The following PLA2G3 variants were observed in gnomAD, a reference collection of about 807,000 sequenced individuals.
The protein encoded by PLA2G3 is group 3 secretory phospholipase A2.
In PLA2G3, 39 loss-of-function variants were observed where a neutral mutation model predicts 51.3. That is an observed-to-expected ratio of 0.76 (90% CI 0.59 to 0.99). PLA2G3 has a LOEUF of 0.99. PLA2G3 is among the 50% of genes least tolerant of loss of function. The pLI is 0.00. For missense variants in PLA2G3, 677 were observed against 662.1 expected, an observed-to-expected ratio of 1.02 and a Z score of -0.25; for synonymous variants, 293 against 263.1, an observed-to-expected ratio of 1.11 and a Z score of -1.10.
rs112835111 is a variant in PLA2G3 at position 31,139,822 on chromosome 22, C to T, written c.514+19G>A. On this transcript the variant is annotated intron_variant, in intron 1 of 6. Coordinates refer to ENST00000215885, the MANE Select transcript of PLA2G3 (RefSeq NM_015715.5). ...TTCCCCGATCGGACCCCCCAGCCCACACACCCCTCATGGCTCACCCAGCTC... is the reference window on the plus strand; with the variant it reads ...TTCCCCGATCGGACCCCCCAGCCCATACACCCCTCATGGCTCACCCAGCTC... 3.4e-5 allele frequency: 54 copies of T among 1,589,756 alleles called. No individual in the cohort carries two copies. In the African/African-American group the frequency reaches 4.0e-4, roughly 12 times the overall value.
chr22:31,137,553 T>C (rs1055554709), intron 4 of PLA2G3, among the ~76,000 whole-genome samples, 157 bp downstream of exon 4: 1 of 152,194 alleles, frequency 6.6e-6, no homozygotes, highest in African/African-American at 2.4e-5. Flanking sequence ...ATTCGTGGAT[T>C]ATGAAAATCC....
At position 31,140,452 on chromosome 22, in the gene PLA2G3, C is replaced by A; in HGVS notation, c.-98G>T. 1 of 1,399,564 alleles carries A rather than the reference C, an allele frequency of 7.1e-7. No homozygotes were observed. Among genetic ancestry groups the A allele is most frequent in the Non-Finnish European group, 9.6e-7 (1 of 1,043,802 alleles). The allele number at this position is 1,399,564 out of a possible 1,614,324, so 86.7% of individuals were successfully genotyped here. ...TGAGCAGTGGAACGGAAGCGGAGCC[C>A]AGCAGGCCCGGTGCGGCGGGACCAA... On this transcript the variant is annotated 5_prime_UTR_variant, in exon 1 of 7. Transcript: ENST00000215885.
In PLA2G3 at chr22:31,139,806, C is replaced by T. The variant is rs767009461; in HGVS notation, c.514+35G>A. 1.0e-5 allele frequency: 15 copies of T among 1,500,810 alleles called. No individual in the cohort carries two copies. The East Asian group carries it at 1.6e-4, about 16-fold the overall frequency. 93.0% of individuals were successfully genotyped at this position (1,500,810 alleles called of 1,614,324 possible). On this transcript the variant is annotated intron_variant, in intron 1 of 6. Transcript: ENST00000215885. The stretch of plus-strand genomic sequence containing the variant: ...GCTGAAGAAACCTTGCTTCCCCGAT[C>T]GGACCCCCCAGCCCACACACCCCTC...
Position 31,137,040 on chromosome 22 carries a change from C to G in PLA2G3, c.1067G>C (p.Gly356Ala). ...GAAGCTGCGGCAGACCCAGCGGGCACCTGAGGGGTGGATGTGGTGTTGATG... is the reference window on the plus strand; with the variant it reads ...GAAGCTGCGGCAGACCCAGCGGGCAGCTGAGGGGTGGATGTGGTGTTGATG... ...QGPQGGLKPQ[G>A]ARWVCRSFRR... Residue 356 changes from glycine (G) to alanine (A), a missense_variant and splice_region_variant, in exon 5 of 7, where the codon GGT becomes GCT. Gly to Ala is a moderately conservative substitution (Grantham distance 60, BLOSUM62 0). Coordinates refer to ENST00000215885, the MANE Select transcript of PLA2G3 (RefSeq NM_015715.5). 6.5e-7 allele frequency: 1 copy of G among 1,531,080 alleles called. No individual in the cohort carries two copies. The allele number at this position is 1,531,080 out of a possible 1,614,324, so 94.8% of individuals were successfully genotyped here. A position where few individuals can be genotyped will look rare whatever the true frequency, so the allele number is the denominator to read the frequency against.
chr22:31,136,679 T>C lies in PLA2G3; in HGVS notation c.1316+4A>G, dbSNP rs754252577. ...CCATCCCTCCTGGCTCTGACATCAC[T>C]TACTTTTTGCCTTCCACACAGTCCA... On this transcript the variant is annotated splice_donor_region_variant and intron_variant, in intron 6 of 6. Transcript: ENST00000215885. The C allele has an allele frequency of 5.0e-6, 8 of 1,611,728 alleles. No homozygotes were observed.
rs1466086004 is a variant in PLA2G3 at position 31,137,737 on chromosome 22, C to G, written c.1039G>C (p.Gly347Arg). ...TGAGGTTTTAGGCCACCCTGTGGGC[C>G]CTGGAGGCCTGTGGGGGCCACATCA... ...RLDVAPTGLQ[G>R]PQGGLKPQGA... Residue 347 changes from glycine (G) to arginine (R), a missense_variant, in exon 4 of 7, where the codon GGC becomes CGC. Coordinates refer to ENST00000215885, the MANE Select transcript of PLA2G3 (RefSeq NM_015715.5). 1 of 1,611,144 alleles carries G rather than the reference C, an allele frequency of 6.2e-7. No homozygotes were observed. The highest frequency in any genetic ancestry group is 1.7e-5 in the Admixed American group (1 of 59,424).
rs762980855 is a variant in PLA2G3 at position 31,137,706 on chromosome 22, T to C, written c.1066+4A>G. On this transcript the variant is annotated splice_donor_region_variant and intron_variant, in intron 4 of 6. Transcript: ENST00000215885. ...GAACCCCCAAGGTTAGGTTCTGAGC[T>C]CACCCTGAGGTTTTAGGCCACCCTG... The C allele has an allele frequency of 1.3e-5, 21 of 1,595,750 alleles. No homozygotes were observed. Among genetic ancestry groups the C allele is most frequent in the Admixed American group, 1.8e-5 (1 of 56,178 alleles).
At position 31,140,277 on chromosome 22, in the gene PLA2G3, C is replaced by G. The variant is rs771503708; in HGVS notation, c.78G>C (p.Trp26Cys). The G allele has an allele frequency of 1.2e-6, 2 of 1,612,078 alleles. No homozygotes were observed. Among genetic ancestry groups the G allele is most frequent in the Non-Finnish European group, 8.5e-7 (1 of 1,179,900 alleles). The change falls in exon 1 of 7, where the codon TGG becomes TGC. Residue 26 changes from tryptophan (W) to cysteine (C), a missense_variant. Transcript: ENST00000215885. Reference protein sequence around the residue: ...VALGGSPALRWYRTSCHLTKA... With the variant: ...VALGGSPALRCYRTSCHLTKA... Reference sequence around the variant, plus strand: ...TGGTCAAGTGGCAGGAGGTCCTGTACCAGCGGAGGGCAGGGGAGCCCCCCA... The same window carrying G: ...TGGTCAAGTGGCAGGAGGTCCTGTAGCAGCGGAGGGCAGGGGAGCCCCCCA...
At chr22:31,139,456 C>A (rs1922767802) in intron 1 of PLA2G3, among the ~76,000 whole-genome samples, 4 of 152,174 alleles carry the variant, frequency 2.6e-5, no homozygotes, top group Admixed American at 2.6e-4. Context: ...ACTTGCTCAG[C>A]TTGTATGTGC....
intron 1 of PLA2G3, 95 bp downstream of exon 1, chr22:31,139,746 C>T: frequency 1.2e-6 from 1 of 824,116 alleles, no homozygotes; most frequent in Non-Finnish European, 1.9e-6. Context: ...AGTCACTCCC[C>T]CAGGGACACA....
In PLA2G3 at chr22:31,137,434, G is replaced by A. The variant is rs1387734865; in HGVS notation, c.1066+276C>T. Among the ~76,000 whole-genome samples, 3 of 152,318 alleles carry A rather than the reference G, an allele frequency of 2.0e-5. No individual in the cohort carries two copies. In the East Asian group the frequency reaches 5.8e-4, roughly 29 times the overall value. ...GTTTGTGAAACTAGAGTTTTGACTG[G>A]GGGTAGGGTCTGCAGGGCCAAGGCT... On this transcript the variant is annotated intron_variant, in intron 4 of 6. Coordinates refer to ENST00000215885, the MANE Select transcript of PLA2G3 (RefSeq NM_015715.5).
intron 4 of PLA2G3, among the ~76,000 whole-genome samples, chr22:31,137,319 G>T (rs1922633121): frequency 1.3e-5 from 2 of 152,236 alleles, no homozygotes; most frequent in African/African-American, 4.8e-5. Flanking sequence ...GCTAAACTGA[G>T]GGTGGGAGAG....
Position 31,135,619 on chromosome 22 carries a change from T to A in PLA2G3, c.*104A>T. 1.2e-6 allele frequency: 1 copy of A among 831,214 alleles called. No individual in the cohort carries two copies. Among genetic ancestry groups the A allele is most frequent in the Non-Finnish European group, 2.0e-6 (1 of 497,304 alleles). The allele number at this position is 831,214 out of a possible 1,614,324, so 51.5% of individuals were successfully genotyped here. ...CCTCTTGATTGTCCACAACAGCCTC[T>A]GCCATGCTTCAGTCTAACCTACGGA... On this transcript the variant is annotated 3_prime_UTR_variant, in exon 7 of 7. Coordinates refer to ENST00000215885, the MANE Select transcript of PLA2G3 (RefSeq NM_015715.5).
chr22:31,135,411 T>C lies in PLA2G3; in HGVS notation c.*312A>G. ...ACTGCCTGGGGCTGCTGCAATAAGT[T>C]ACCCTTTCCCCATTCTCATCTGTAT... On this transcript the variant is annotated 3_prime_UTR_variant, in exon 7 of 7. Coordinates refer to ENST00000215885, the MANE Select transcript of PLA2G3 (RefSeq NM_015715.5). 1 of 393,906 alleles carries C rather than the reference T, an allele frequency of 2.5e-6. No individual in the cohort carries two copies. The allele number at this position is 393,906 out of a possible 1,614,324, so 24.4% of individuals were successfully genotyped here. A position where few individuals can be genotyped will look rare whatever the true frequency, so the allele number is the denominator to read the frequency against.
At chr22:31,138,116 G>C in intron 3 of PLA2G3, 123 bp from the exon 4 acceptor site, 1 of 1,334,476 alleles carries the variant, frequency 7.5e-7, no homozygotes, top group Non-Finnish European at 1.0e-6. Flanking sequence ...GGTTGTGGGG[G>C]ACACCCAAGG....
chr22:31,138,513 A>G (rs1922722224), intron 2 of PLA2G3, 103 bp from the exon 3 acceptor site: 1 of 1,521,732 alleles, frequency 6.6e-7, no homozygotes, highest in Admixed American at 1.7e-5. Context: ...GGGTCCAAGC[A>G]TCCCTTCTTT....
At position 31,137,698 on chromosome 22, in the gene PLA2G3, T is replaced by A. The variant is rs1230797166; in HGVS notation, c.1066+12A>T. 2 of 1,588,818 alleles carry A rather than the reference T, an allele frequency of 1.3e-6. No homozygotes were observed. The highest frequency in any genetic ancestry group is 2.3e-5 in the South Asian group (2 of 86,186). On this transcript the variant is annotated intron_variant, in intron 4 of 6. Transcript: ENST00000215885. ...CATGTCAGGAACCCCCAAGGTTAGG[T>A]TCTGAGCTCACCCTGAGGTTTTAGG...
intron 1 of PLA2G3, among the ~76,000 whole-genome samples, chr22:31,139,376 C>A (rs1368846008): frequency 6.6e-6 from 1 of 152,218 alleles, no homozygotes; most frequent in Non-Finnish European, 1.5e-5. Context: ...TCCAGGTTCA[C>A]AGCCAGCCCT....
At position 31,138,297 on chromosome 22, in the gene PLA2G3, A is replaced by G. The variant is rs752892752; in HGVS notation, c.761T>C (p.Val254Ala). The G allele has an allele frequency of 1.2e-6, 2 of 1,613,814 alleles. No homozygotes were observed. ...GTACCCGCCCCACCAGTACCACGCC[A>G]CACACGCCTCCTGCTCCTCCAGCAC... ...CFVLEEQEAC[V>A]AWYWWGGCRM... The change falls in exon 3 of 7, where the codon GTG becomes GCG. Residue 254 changes from valine (V) to alanine (A), a missense_variant. Physicochemically the swap from Val to Ala is moderately conservative, Grantham distance 64. Transcript: ENST00000215885.
Sources: allele counts gnomAD v4.1 joint callset (sites outside exome capture counted in the v4.1 genomes callset), GRCh38; gene constraint gnomAD v4.1.1; transcripts MANE v1.5; gene names NCBI Gene and HGNC (gene_info 2026-07-23, HGNC 2026-07-21).